Variants in LDLRAD3 observed in about 807,000 individuals in gnomAD.
The protein encoded by LDLRAD3 is low-density lipoprotein receptor class A domain-containing protein 3.
In LDLRAD3, 20 loss-of-function variants were observed where a neutral mutation model predicts 29.4. That is an observed-to-expected ratio of 0.68 (90% confidence interval 0.48 to 0.99). The LOEUF (loss-of-function observed/expected upper bound fraction) is 0.99, where lower values mean the gene tolerates loss of function less well. LDLRAD3 is among the 50% of genes least tolerant of loss of function. The pLI, the probability that LDLRAD3 is intolerant of heterozygous loss-of-function variation, is 0.00. For synonymous variants in LDLRAD3, 157 were observed against 192.7 expected (o/e 0.81, Z 1.53); for missense variants, 420 against 454.3 (o/e 0.92, Z 0.69).
chr11:36,015,722 G>C (rs1359366558), intron 1 of LDLRAD3, among the ~76,000 whole-genome samples: 1 of 151,828 alleles, frequency 6.6e-6, no homozygotes, highest in Non-Finnish European at 1.5e-5. Flanking sequence ...TTTTGAACTG[G>C]CAAGAATGTC....
At chr11:36,000,517 C>T (rs1369571978) in intron 1 of LDLRAD3, among the ~76,000 whole-genome samples, 1 of 152,042 alleles carries the variant, frequency 6.6e-6, no homozygotes, top group Non-Finnish European at 1.5e-5. Flanking sequence ...GAAATGATGG[C>T]AGAATACTAA....
chr11:35,987,762 C>A (rs1209251189), intron 1 of LDLRAD3, among the ~76,000 whole-genome samples: 1 of 152,074 alleles, frequency 6.6e-6, no homozygotes, highest in Admixed American at 6.6e-5. Context: ...GATCTATTTT[C>A]TTTTATATAT....
chr11:36,022,313 T>C (rs1852108261), intron 1 of LDLRAD3, among the ~76,000 whole-genome samples: 1 of 152,226 alleles, frequency 6.6e-6, no homozygotes, highest in Non-Finnish European at 1.5e-5. Flanking sequence ...TAGTAATTCT[T>C]TAATCGTGAA....
chr11:36,205,837 GC>G lies in LDLRAD3; in HGVS notation c.455-21246del, dbSNP rs1311580228. 6.4e-4 allele frequency among the ~76,000 whole-genome samples: 97 copies of G among 152,204 alleles called. 3 individuals are homozygous for G. The highest frequency in any genetic ancestry group is 6.1e-3 in the Admixed American group (94 of 15,288). ...GAGCTTTGCCGGCAATGATAGGGTG[GC>G]CAGCAAATGCTCAGAAGCGATGAGT... On this transcript the variant is annotated intron_variant, in intron 4 of 5. Coordinates refer to ENST00000315571, the MANE Select transcript of LDLRAD3 (RefSeq NM_174902.4).
intron 1 of LDLRAD3, among the ~76,000 whole-genome samples, chr11:35,949,945 G>C (rs749399253): frequency 6.6e-6 from 1 of 152,228 alleles, no homozygotes; most frequent in Non-Finnish European, 1.5e-5. Flanking sequence ...CTTCCTGAGT[G>C]TGCAAATGTC....
chr11:36,090,514 A>T (rs2133265826), intron 3 of LDLRAD3, among the ~76,000 whole-genome samples: 1 of 152,276 alleles, frequency 6.6e-6, no homozygotes, highest in African/African-American at 2.4e-5. Flanking sequence ...TGAAGCAGTG[A>T]TACTGGACTT....
intron 4 of LDLRAD3, among the ~76,000 whole-genome samples, chr11:36,114,401 G>T (rs536939751): frequency 5.3e-5 from 8 of 152,260 alleles, no homozygotes; most frequent in Non-Finnish European, 1.5e-5. Context: ...AGTGGAAGAG[G>T]TGCTTCACAT....
intron 4 of LDLRAD3, among the ~76,000 whole-genome samples, chr11:36,116,308 A>G (rs1853672957): frequency 6.6e-6 from 1 of 152,204 alleles, no homozygotes; most frequent in African/African-American, 2.4e-5. Context: ...CCTGCCTACC[A>G]GCAAGAAGCC....
intron 1 of LDLRAD3, among the ~76,000 whole-genome samples, chr11:35,964,966 G>C (rs1851320522): frequency 6.7e-6 from 1 of 149,836 alleles, no homozygotes; most frequent in Non-Finnish European, 1.5e-5. Flanking sequence ...CTTCAGCCTG[G>C]GCAACAGAGC....
intron 3 of LDLRAD3, among the ~76,000 whole-genome samples, chr11:36,082,379 C>T (rs1024492359): frequency 2.0e-5 from 3 of 152,264 alleles, no homozygotes; most frequent in African/African-American, 7.2e-5. Context: ...CATGGTGGCA[C>T]ATGCCTCTAG....
chr11:36,083,041 G>A (rs570777209), intron 3 of LDLRAD3, among the ~76,000 whole-genome samples: 1 of 152,310 alleles, frequency 6.6e-6, no homozygotes, highest in South Asian at 2.1e-4. Context: ...GGGGTTTGAG[G>A]TTCACAGCAA....
chr11:35,988,174 T>C (rs1048860775), intron 1 of LDLRAD3, among the ~76,000 whole-genome samples: 1 of 151,934 alleles, frequency 6.6e-6, no homozygotes, highest in African/African-American at 2.4e-5. Context: ...CCTCCCATCT[T>C]AGCCTCCCAA....
At chr11:36,086,464 A>G (rs541489891) in intron 3 of LDLRAD3, among the ~76,000 whole-genome samples, 3 of 152,304 alleles carry the variant, frequency 2.0e-5, no homozygotes, top group East Asian at 1.9e-4. Flanking sequence ...TCTGTGGGCT[A>G]TGGTTACAAT....
At chr11:36,191,439 A>T (rs909353889) in intron 4 of LDLRAD3, among the ~76,000 whole-genome samples, 2 of 151,332 alleles carry the variant, frequency 1.3e-5, no homozygotes, top group Admixed American at 1.3e-4. Context: ...GCTACTCCAG[A>T]GGCTGAGATT....
intron 3 of LDLRAD3, 53 bp from the exon 4 acceptor site, chr11:36,098,274 C>A: frequency 6.2e-7 from 1 of 1,608,358 alleles, no homozygotes; most frequent in Non-Finnish European, 8.5e-7. Context: ...TTCCAGGGTC[C>A]CCAAGGGAAC....
At chr11:36,033,274 C>A (rs1852262178) in intron 1 of LDLRAD3, among the ~76,000 whole-genome samples, 1 of 152,178 alleles carries the variant, frequency 6.6e-6, no homozygotes, top group African/African-American at 2.4e-5. Flanking sequence ...AAAGCATGTG[C>A]CTCTCTGTTA....
intron 3 of LDLRAD3, among the ~76,000 whole-genome samples, chr11:36,093,504 A>T (rs201045081): frequency 6.6e-6 from 1 of 151,778 alleles, no homozygotes; most frequent in African/African-American, 2.4e-5. Flanking sequence ...GTAACTTCAT[A>T]TTAACGTAAT....
At chr11:36,126,531 C>T (rs1262936743) in intron 4 of LDLRAD3, among the ~76,000 whole-genome samples, 1 of 152,100 alleles carries the variant, frequency 6.6e-6, no homozygotes, top group Admixed American at 6.5e-5. Context: ...TGGTCAGGGT[C>T]GGGAGGCTGG....
chr11:36,148,565 T>C (rs1313235281), intron 4 of LDLRAD3, among the ~76,000 whole-genome samples: 1 of 152,182 alleles, frequency 6.6e-6, no homozygotes, highest in Non-Finnish European at 1.5e-5. Flanking sequence ...ATCCTGTGTT[T>C]AGAGTCATGG....
Sources: gnomAD v4.1 joint callset for allele counts (sites outside exome capture counted in the v4.1 genomes callset) on GRCh38, gnomAD v4.1.1 for gene constraint, MANE v1.5 for transcripts, NCBI Gene and HGNC (gene_info 2026-07-23, HGNC 2026-07-21) for gene names.